ASH1L: variants seen among roughly 807,000 people sequenced by gnomAD.
The protein encoded by ASH1L is histone-lysine N-methyltransferase ASH1L.
Under a neutral mutation model 269.0 loss-of-function variants are expected in ASH1L, and 23 were observed. That is an observed-to-expected ratio of 0.09 (90% CI 0.06 to 0.12). The LOEUF is 0.12. ASH1L is among the 10% of genes least tolerant of loss of function. The probability of loss-of-function intolerance (pLI) is 1.00; values close to 1 mark genes in which losing one functional copy is unlikely to be tolerated. For missense variants in ASH1L, 2,912 were observed against 3,567.8 expected, an observed-to-expected ratio of 0.82 and a Z score of 4.68; for synonymous variants, 1,187 against 1,253.5, an observed-to-expected ratio of 0.95 and a Z score of 1.12.
At chr1:155,532,089 A>C (rs1165132566) in intron 1 of ASH1L, among the ~76,000 whole-genome samples, 2 of 152,222 alleles carry the variant, frequency 1.3e-5, no homozygotes, top group Non-Finnish European at 2.9e-5. Flanking sequence ...AAGGAAAAAC[A>C]CAGACCTAAG....
chr1:155,438,895 T>A lies in ASH1L; in HGVS notation c.5260A>T (p.Ser1754Cys), dbSNP rs150285216. ...GGTTTTCCCAGGGTTCGGTCCTTGCTGTGGCTACGGCCTGGACTGGAAGAA... is the reference window on the plus strand; with the variant it reads ...GGTTTTCCCAGGGTTCGGTCCTTGCAGTGGCTACGGCCTGGACTGGAAGAA... ...PPSSSPGRSHSKDRTLGKPDS... is the reference protein window; with the variant it reads ...PPSSSPGRSHCKDRTLGKPDS... Residue 1754 changes from serine to cysteine, a missense_variant, in exon 5 of 28, where the codon AGC (serine) becomes TGC (cysteine). By Grantham distance (112) the Ser-to-Cys change is moderately radical. Around this residue, in one of 13 missense-constraint regions of ASH1L, gnomAD observed 789 missense variants for 897.6 expected, o/e 0.88. Transcript: ENST00000392403. The A allele has an allele frequency of 5.5e-4, 890 of 1,614,088 alleles. 1 individual carries two copies. The highest frequency in any genetic ancestry group is 7.1e-4 in the Non-Finnish European group (836 of 1,180,060).
chr1:155,479,613 C>T lies in ASH1L; in HGVS notation c.3257G>A (p.Gly1086Glu). 2 of 1,614,184 alleles carry T rather than the reference C, an allele frequency of 1.2e-6. No individual in the cohort carries two copies. The highest frequency in any genetic ancestry group is 1.7e-6 in the Non-Finnish European group (2 of 1,180,018). ...AGGCAGTAATGGGGGAAGAATCTGT[C>T]CTAATGCTGACCCAGCTGCCTGTTG... ...TAQQAAGSAL[G>E]QILPPLLPSS... Residue 1086 changes from glycine (G) to glutamate (E), a missense_variant, in exon 3 of 28, where the codon GGA becomes GAA. Physicochemically the swap from Gly to Glu is moderately conservative, Grantham distance 98. Around this residue, in one of 13 missense-constraint regions of ASH1L, gnomAD observed 157 missense variants for 154.6 expected, o/e 1.02. Coordinates refer to ENST00000392403, the MANE Select transcript of ASH1L (RefSeq NM_018489.3).
intron 1 of ASH1L, among the ~76,000 whole-genome samples, chr1:155,547,902 G>C (rs969466928): frequency 6.6e-6 from 1 of 152,182 alleles, no homozygotes; most frequent in Admixed American, 6.5e-5. Context: ...CGTGAACCCG[G>C]AAGGTGGATC....
intron 1 of ASH1L, among the ~76,000 whole-genome samples, chr1:155,532,469 C>G (rs1016618192): frequency 1.3e-5 from 2 of 152,082 alleles, no homozygotes; most frequent in Admixed American, 6.6e-5. Flanking sequence ...CCATTCTAAT[C>G]CCACATCCAA....
rs536941675 is a variant in ASH1L, at chr1:155,472,877, A to G, written c.4984+5009T>C. 5.7e-4 allele frequency among the ~76,000 whole-genome samples: 87 copies of G among 152,318 alleles called. 1 individual carries two copies. Among genetic ancestry groups the G allele is most frequent in the African/African-American group, 2.0e-3 (84 of 41,564 alleles). ...TGGGCCAAAAGCTGACAGTTTTTTA[A>G]GCACTACTTTAAATACTGCAGTTCC... On this transcript the variant is annotated intron_variant, in intron 3 of 27. Transcript: ENST00000392403.
chr1:155,339,127 C>CT (rs1201777877), intron 26 of ASH1L, among the ~76,000 whole-genome samples: 1 of 152,210 alleles, frequency 6.6e-6, no homozygotes, highest in Non-Finnish European at 1.5e-5. Flanking sequence ...GCACATCTCT[C>CT]TGTTGCTCCA....
At chr1:155,386,816 T>C (rs750238201) in intron 7 of ASH1L, among the ~76,000 whole-genome samples, 3 of 152,190 alleles carry the variant, frequency 2.0e-5, no homozygotes, top group Non-Finnish European at 2.9e-5. Flanking sequence ...GTTTACTCTG[T>C]TCATAGTTTA....
At chr1:155,551,839 G>A (rs1371391720) in intron 1 of ASH1L, among the ~76,000 whole-genome samples, 87 of 129,534 alleles carry the variant, frequency 6.7e-4, no homozygotes, top group Middle Eastern at 6.2e-3. Context: ...AGCCGGGCGT[G>A]GTGGCGGGCG....
intron 6 of ASH1L, among the ~76,000 whole-genome samples, chr1:155,414,266 C>A (rs1398155923): frequency 1.3e-5 from 2 of 152,084 alleles, no homozygotes; most frequent in Non-Finnish European, 2.9e-5. Context: ...TCACATCCAT[C>A]CCCCAAACTC....
At chr1:155,436,228 T>G (rs1662079712) in intron 5 of ASH1L, among the ~76,000 whole-genome samples, 1 of 152,084 alleles carries the variant, frequency 6.6e-6, no homozygotes, top group African/African-American at 2.4e-5. Flanking sequence ...TCGCTCTTGT[T>G]GCCCAGGCTG....
intron 1 of ASH1L, among the ~76,000 whole-genome samples, chr1:155,538,635 C>T (rs1190567551): frequency 7.1e-6 from 1 of 141,246 alleles, no homozygotes; most frequent in Admixed American, 8.2e-5. Flanking sequence ...AACCACTGTA[C>T]CCAGCCTTTT....
At chr1:155,535,545 C>A in intron 1 of ASH1L, among the ~76,000 whole-genome samples, 1 of 151,406 alleles carries the variant, frequency 6.6e-6, no homozygotes, top group Non-Finnish European at 1.5e-5. Context: ...CTTTGGGAGG[C>A]CAAGGCAATA....
intron 5 of ASH1L, chr1:155,419,361 C>A (rs555422188): frequency 6.7e-6 from 1 of 148,334 alleles, no homozygotes; most frequent in East Asian, 2.0e-4. Context: ...AAATAGAAAT[C>A]AAAATAAAAC....
At chr1:155,536,776 C>T (rs1670086101) in intron 1 of ASH1L, among the ~76,000 whole-genome samples, 1 of 151,980 alleles carries the variant, frequency 6.6e-6, no homozygotes, top group African/African-American at 2.4e-5. Flanking sequence ...GGCGCAGTGG[C>T]TCATGCCTGT....
chr1:155,430,532 T>C (rs1661518862), intron 5 of ASH1L, among the ~76,000 whole-genome samples: 1 of 152,220 alleles, frequency 6.6e-6, no homozygotes, highest in South Asian at 2.1e-4. Context: ...TTTGATGGGC[T>C]TAAAGTTCTC....
chr1:155,472,234 G>A (rs1172273539), intron 3 of ASH1L, among the ~76,000 whole-genome samples: 2 of 152,168 alleles, frequency 1.3e-5, no homozygotes, highest in Non-Finnish European at 2.9e-5. Context: ...GTTTTGCAGT[G>A]AGCCTAGATT....
At chr1:155,351,814 G>A (rs189692417) in intron 17 of ASH1L, among the ~76,000 whole-genome samples, 448 of 151,446 alleles carry the variant, frequency 3.0e-3, no homozygotes, top group African/African-American at 0.011. Context: ...TCATGCCACT[G>A]CACTCCAGCC....
chr1:155,385,263 TA>T (rs929976465), intron 7 of ASH1L, among the ~76,000 whole-genome samples: 5 of 152,046 alleles, frequency 3.3e-5, no homozygotes, highest in African/African-American at 9.7e-5. Context: ...GCCAACGTGG[TA>T]AAACCCCGTC....
At chr1:155,502,689 G>C (rs981831537) in intron 2 of ASH1L, among the ~76,000 whole-genome samples, 1 of 152,166 alleles carries the variant, frequency 6.6e-6, no homozygotes, top group African/African-American at 2.4e-5. Context: ...TCCTAGAAAG[G>C]TTCAGGGAAC....
Sources: allele counts gnomAD v4.1 joint callset (sites outside exome capture counted in the v4.1 genomes callset), GRCh38; gene constraint gnomAD v4.1.1; regional missense constraint gnomAD v4.1.1; transcripts MANE v1.5; gene names NCBI Gene and HGNC (gene_info 2026-07-23, HGNC 2026-07-21).